Variants in LOXHD1 observed in about 807,000 individuals in gnomAD.
LOXHD1 encodes the protein lipoxygenase homology PLAT domains 1, also known as lipoxygenase homology domain-containing protein 1.
In LOXHD1, 205 loss-of-function variants were observed where a neutral mutation model predicts 248.2. That is an observed-to-expected ratio of 0.83 (90% CI 0.74 to 0.93). The LOEUF is 0.93. Among genes scored for constraint, LOXHD1 ranks in the 40% least tolerant of loss-of-function variants. The pLI, the probability that LOXHD1 is intolerant of heterozygous loss-of-function variation, is 0.00. For synonymous variants in LOXHD1, 1,113 were observed against 1,162.8 expected (o/e 0.96, Z 0.87); for missense variants, 2,930 against 2,971.6 (o/e 0.99, Z 0.33).
chr18:46,507,779 C>T, intron 35 of LOXHD1, 67 bp from the exon 36 acceptor site: 1 of 1,470,484 alleles, frequency 6.8e-7, no homozygotes, highest in Non-Finnish European at 9.1e-7. Context: ...CCCCCTGGCT[C>T]ATGCAGCCCC....
chr18:46,639,423 C>A (rs2038934414), intron 4 of LOXHD1, among the ~76,000 whole-genome samples, 193 bp downstream of exon 4: 1 of 152,198 alleles, frequency 6.6e-6, no homozygotes, highest in African/African-American at 2.4e-5. Context: ...ACCCCTAGAG[C>A]ATAAAAAGTT....
chr18:46,560,582 A>G, intron 18 of LOXHD1, 37 bp from the exon 19 acceptor site: 2 of 1,488,802 alleles, frequency 1.3e-6, no homozygotes, highest in Non-Finnish European at 1.8e-6. Flanking sequence ...TCGTGGCCCC[A>G]GCGTCCTCCC....
chr18:46,547,000 T>C lies in LOXHD1; in HGVS notation c.3409A>G (p.Arg1137Gly). The change falls in exon 22 of 41, where the codon AGG becomes GGG. Residue 1137 changes from arginine (R) to glycine (G), a missense_variant. Arg to Gly is a moderately radical substitution (Grantham distance 125, BLOSUM62 -2). Coordinates refer to ENST00000642948, the MANE Select transcript of LOXHD1 (RefSeq NM_001384474.1). ...GACTCATCCACTGGCAACAGCTCCC[T>C]GGACAGCTGGCCATCATCTTCCTCC... is the stretch of plus-strand genomic sequence containing the variant. Reference protein sequence around the residue: ...AVEEDDGQLSRELLPVDESYV... With the variant: ...AVEEDDGQLSGELLPVDESYV... 6.4e-7 allele frequency: 1 copy of C among 1,551,760 alleles called. No homozygotes were observed. Among genetic ancestry groups the C allele is most frequent in the Non-Finnish European group, 8.7e-7 (1 of 1,147,006 alleles).
intron 37 of LOXHD1, among the ~76,000 whole-genome samples, chr18:46,504,376 G>A (rs1434862920): frequency 6.6e-6 from 1 of 152,174 alleles, no homozygotes; most frequent in East Asian, 1.9e-4. Context: ...AAAGTGCTGG[G>A]ATTACAGCTG....
chr18:46,534,836 A>T (rs2036237605), intron 26 of LOXHD1, among the ~76,000 whole-genome samples: 1 of 152,130 alleles, frequency 6.6e-6, no homozygotes, highest in Admixed American at 6.5e-5. Flanking sequence ...TGCCAAGTGG[A>T]CTTATTCAAG....
At chr18:46,542,919 C>T in intron 23 of LOXHD1, 64 bp from the exon 24 acceptor site, 2 of 1,546,908 alleles carry the variant, frequency 1.3e-6, no homozygotes, top group Non-Finnish European at 1.7e-6. Context: ...TAGTCAGACC[C>T]AAACCTTTAA....
chr18:46,609,322 G>A (rs1443461604), intron 6 of LOXHD1, among the ~76,000 whole-genome samples: 2 of 152,126 alleles, frequency 1.3e-5, no homozygotes, highest in African/African-American at 4.8e-5. Context: ...AGAAATGCAG[G>A]ATGAGCTGAA....
intron 4 of LOXHD1, among the ~76,000 whole-genome samples, chr18:46,631,836 G>A (rs2038828391): frequency 6.6e-6 from 1 of 152,220 alleles, no homozygotes; most frequent in Admixed American, 6.5e-5. Flanking sequence ...TCCGTGGTCT[G>A]GTTTCCACTC....
chr18:46,551,397 C>T (rs1598982993), intron 21 of LOXHD1, among the ~76,000 whole-genome samples: 2 of 152,196 alleles, frequency 1.3e-5, no homozygotes, highest in South Asian at 2.1e-4. Flanking sequence ...GCCACCACAC[C>T]CGGCCAACTC....
intron 34 of LOXHD1, 135 bp from the exon 35 acceptor site, chr18:46,509,950 A>G: frequency 1.5e-6 from 1 of 674,008 alleles, no homozygotes; most frequent in Non-Finnish European, 2.7e-6. Flanking sequence ...GCTCTCAGCA[A>G]CTCTCCACCA....
At chr18:46,559,250 G>A in intron 20 of LOXHD1, 198 bp downstream of exon 20, 1 of 1,517,072 alleles carries the variant, frequency 6.6e-7, no homozygotes, top group South Asian at 1.2e-5. Context: ...CTAGGTGCTG[G>A]GGCCCTGCCT....
At chr18:46,648,640 TAAAA>T (rs747159277) in intron 2 of LOXHD1, among the ~76,000 whole-genome samples, 20 of 152,026 alleles carry the variant, frequency 1.3e-4, no homozygotes, top group Non-Finnish European at 2.8e-4. Context: ...CTAGTTATAA[TAAAA>T]AAGAGCACAC....
At chr18:46,571,984 T>C in intron 15 of LOXHD1, 102 bp downstream of exon 15, 2 of 1,022,854 alleles carry the variant, frequency 2.0e-6, no homozygotes, top group Non-Finnish European at 2.9e-6. Flanking sequence ...CTGCCACCTC[T>C]GTGAAACATG....
At chr18:46,507,467 C>T (rs962988725) in intron 36 of LOXHD1, 71 bp downstream of exon 36, 4 of 1,529,206 alleles carry the variant, frequency 2.6e-6, no homozygotes, top group African/African-American at 1.4e-5. Context: ...TGACCAGAAA[C>T]AAGGGCCTGA....
rs763256484 is a variant in LOXHD1, at chr18:46,545,342, T to G, written c.3594A>C (p.Thr1198=). ...CAGTGTCATCCTGTGTGCCAAAGAG[T>G]GTGATGAAGACATTAGCATCTGTGC... ...NAGTDANVFI[T]LFGTQDDTGM... is the part of the protein sequence containing the mutation. The change falls in exon 23 of 41, where the codon ACA becomes ACC. Residue 1198 remains threonine (T), a synonymous_variant. Coordinates refer to ENST00000642948, the MANE Select transcript of LOXHD1 (RefSeq NM_001384474.1). 6.4e-7 allele frequency: 1 copy of G among 1,551,464 alleles called. No individual in the cohort carries two copies. The highest frequency in any genetic ancestry group is 8.7e-7 in the Non-Finnish European group (1 of 1,146,908).
Position 46,545,176 on chromosome 18 carries a change from C to A in LOXHD1, c.3619+141G>T, listed in dbSNP as rs1301384473. 5 of 642,578 alleles carry A rather than the reference C, an allele frequency of 7.8e-6. No individual in the cohort carries two copies. In the East Asian group the frequency reaches 1.1e-4, roughly 14 times the overall value. 39.8% of individuals were successfully genotyped at this position (642,578 alleles called of 1,614,324 possible). A position where few individuals can be genotyped will look rare whatever the true frequency, so the allele number is the denominator to read the frequency against. The stretch of plus-strand genomic sequence containing the variant: ...AAAATTTTTAGAAAAAAAGGAACTG[C>A]CTTTCTCGATGGGGCTAATTGCTTG... On this transcript the variant is annotated intron_variant, in intron 23 of 40. Transcript: ENST00000642948.
At chr18:46,487,040 T>G (rs1260211674) in intron 38 of LOXHD1, among the ~76,000 whole-genome samples, 1 of 152,150 alleles carries the variant, frequency 6.6e-6, no homozygotes, top group Non-Finnish European at 1.5e-5. Context: ...GATCAGGAAC[T>G]TGAATATTCA....
chr18:46,503,570 A>C (rs2034370579), intron 37 of LOXHD1, among the ~76,000 whole-genome samples: 1 of 152,200 alleles, frequency 6.6e-6, no homozygotes, highest in South Asian at 2.1e-4. Context: ...TGCTAATCCT[A>C]AGACAATCAG....
rs536822294 is a variant in LOXHD1, at chr18:46,635,990, G to T, written c.511+3626C>A. ...AGAAAACCAAAAGCCACAGCCATTT[G>T]GTTGGTCCTGCTTGATGTCTTGAAG... On this transcript the variant is annotated intron_variant, in intron 4 of 40. Transcript: ENST00000642948. Among the ~76,000 whole-genome samples, 184 of 152,282 alleles carry T rather than the reference G, an allele frequency of 1.2e-3. 1 individual carries two copies. Among genetic ancestry groups the T allele is most frequent in the Middle Eastern group, 6.8e-3 (2 of 294 alleles).
Sources: allele counts gnomAD v4.1 joint callset (sites outside exome capture counted in the v4.1 genomes callset), GRCh38; gene constraint gnomAD v4.1.1; transcripts MANE v1.5; gene names NCBI Gene and HGNC (gene_info 2026-07-23, HGNC 2026-07-21).